The following RALGAPA1 variants were observed in gnomAD, a reference collection of about 807,000 sequenced individuals.
RALGAPA1 encodes the protein ral GTPase-activating protein subunit alpha-1.
Under a neutral mutation model 269.6 loss-of-function variants are expected in RALGAPA1, and 52 were observed. That is an observed-to-expected ratio of 0.19 (90% CI 0.15 to 0.24). The LOEUF (loss-of-function observed/expected upper bound fraction) is 0.24. Ranked by LOEUF, RALGAPA1 falls within the 10% of genes least tolerant of loss-of-function variation. The pLI is 1.00. For missense variants in RALGAPA1, 1,917 were observed against 3,013.9 expected, an observed-to-expected ratio of 0.64 and a Z score of 8.52; for synonymous variants, 817 against 1,008.3, an observed-to-expected ratio of 0.81 and a Z score of 3.60.
intron 10 of RALGAPA1, among the ~76,000 whole-genome samples, chr14:35,746,072 CA>C (rs894048047): frequency 6.6e-6 from 1 of 151,442 alleles, no homozygotes; most frequent in Non-Finnish European, 1.5e-5. Context: ...GGCCCTGTTT[CA>C]AAAAAACAAA....
chr14:35,603,188 T>C (rs969346783), intron 36 of RALGAPA1, among the ~76,000 whole-genome samples: 1 of 152,186 alleles, frequency 6.6e-6, no homozygotes, highest in Admixed American at 6.5e-5. Flanking sequence ...TTGATTAGCA[T>C]TGCTGTGTAG....
intron 37 of RALGAPA1, among the ~76,000 whole-genome samples, chr14:35,584,765 GA>G (rs2058172477): frequency 6.6e-6 from 1 of 151,844 alleles, no homozygotes; most frequent in Non-Finnish European, 1.5e-5. Context: ...ACAAAAACAG[GA>G]ACAAAGAACA....
At chr14:35,632,027 T>C (rs1019852821) in intron 33 of RALGAPA1, among the ~76,000 whole-genome samples, 26 of 152,252 alleles carry the variant, frequency 1.7e-4, no homozygotes, top group Middle Eastern at 6.8e-3. Context: ...ATTACTCACA[T>C]TGAAAACACG....
At chr14:35,580,968 A>T (rs1394799768) in intron 37 of RALGAPA1, among the ~76,000 whole-genome samples, 1 of 152,020 alleles carries the variant, frequency 6.6e-6, no homozygotes, top group African/African-American at 2.4e-5. Flanking sequence ...ATGGATTAAC[A>T]CACCTAAAGA....
intron 35 of RALGAPA1, among the ~76,000 whole-genome samples, chr14:35,611,222 A>G (rs1010626296): frequency 6.6e-6 from 1 of 151,988 alleles, no homozygotes; most frequent in Non-Finnish European, 1.5e-5. Flanking sequence ...GGGGCCGGGC[A>G]TGGTGGTTCA....
Position 35,751,695 on chromosome 14 carries a change from T to C in RALGAPA1, c.802+329A>G, listed in dbSNP as rs555718300. ...ACTGGGGAGGCTGAGATGGGAGGAC[T>C]GCCTGAGCTCAGCAGTTCAAGGCTG... is the stretch of plus-strand genomic sequence containing the variant. On this transcript the variant is annotated intron_variant, in intron 8 of 41. Coordinates refer to ENST00000680220, the MANE Select transcript of RALGAPA1 (RefSeq NM_001346249.2). Among the ~76,000 whole-genome samples the C allele has an allele frequency of 5.3e-5, 8 of 151,846 alleles. No homozygotes were observed. In the East Asian group the frequency reaches 1.5e-3, roughly 29 times the overall value.
chr14:35,709,209 A>C (rs2068072241), intron 16 of RALGAPA1, among the ~76,000 whole-genome samples: 1 of 152,186 alleles, frequency 6.6e-6, no homozygotes, highest in Non-Finnish European at 1.5e-5. Context: ...GAATTTAAAA[A>C]TAACTAAAAG....
At chr14:35,650,203 C>T (rs915099362) in intron 31 of RALGAPA1, among the ~76,000 whole-genome samples, 20 of 151,804 alleles carry the variant, frequency 1.3e-4, no homozygotes, top group Non-Finnish European at 2.2e-4. Flanking sequence ...GAGACCCCCC[C>T]GCCCCCGACA....
intron 35 of RALGAPA1, among the ~76,000 whole-genome samples, chr14:35,615,672 C>A (rs1233773245): frequency 6.6e-6 from 1 of 152,096 alleles, no homozygotes; most frequent in Non-Finnish European, 1.5e-5. Flanking sequence ...GTCTCCCCTT[C>A]AAGGTATGCA....
At chr14:35,762,311 A>G (rs1023073479) in intron 5 of RALGAPA1, among the ~76,000 whole-genome samples, 1 of 151,982 alleles carries the variant, frequency 6.6e-6, no homozygotes, top group African/African-American at 2.4e-5. Flanking sequence ...GCTGGAGTGC[A>G]TCGGCTTGAT....
chr14:35,619,814 C>T (rs1411380561), intron 35 of RALGAPA1, among the ~76,000 whole-genome samples: 18 of 152,106 alleles, frequency 1.2e-4, no homozygotes, highest in South Asian at 2.1e-4. Flanking sequence ...GTTGAATCTC[C>T]GAATAGACCA....
At chr14:35,578,152 A>G (rs983008628) in intron 37 of RALGAPA1, among the ~76,000 whole-genome samples, 6 of 152,222 alleles carry the variant, frequency 3.9e-5, no homozygotes, top group African/African-American at 1.4e-4. Context: ...GGTCTCTGCT[A>G]GCAAAGCTTT....
At chr14:35,736,287 A>G (rs1348319280) in intron 12 of RALGAPA1, among the ~76,000 whole-genome samples, 5 of 152,188 alleles carry the variant, frequency 3.3e-5, no homozygotes, top group Non-Finnish European at 7.3e-5. Context: ...AAAAGCACTC[A>G]AATTTGAGAT....
At chr14:35,698,460 A>T (rs987540201) in intron 17 of RALGAPA1, among the ~76,000 whole-genome samples, 3 of 152,176 alleles carry the variant, frequency 2.0e-5, no homozygotes, top group Non-Finnish European at 4.4e-5. Context: ...GTGGAGAAAA[A>T]AATAAATCTT....
intron 21 of RALGAPA1, 89 bp from the exon 22 acceptor site, chr14:35,678,191 T>A (rs1039810210): frequency 8.4e-5 from 106 of 1,254,524 alleles, no homozygotes; most frequent in Non-Finnish European, 1.1e-4. Context: ...AAAAGAAATT[T>A]TAAACACCAA....
intron 16 of RALGAPA1, among the ~76,000 whole-genome samples, chr14:35,711,089 C>T (rs1247842114): frequency 6.6e-6 from 1 of 152,204 alleles, no homozygotes; most frequent in Non-Finnish European, 1.5e-5. Flanking sequence ...GCCATCTCTT[C>T]ATTTTTAATC....
chr14:35,654,975 A>G (rs751544566), intron 29 of RALGAPA1, among the ~76,000 whole-genome samples: 4 of 152,180 alleles, frequency 2.6e-5, no homozygotes, highest in Non-Finnish European at 4.4e-5. Context: ...AACTAAGTCA[A>G]AATGATTTCT....
chr14:35,652,030 G>C (rs1186010514), intron 30 of RALGAPA1, among the ~76,000 whole-genome samples, 157 bp from the exon 31 acceptor site: 4 of 152,108 alleles, frequency 2.6e-5, no homozygotes, highest in African/African-American at 9.7e-5. Flanking sequence ...ATGTTTAATA[G>C]GTAAGCTTTT....
chr14:35,786,495 G>A lies in RALGAPA1; in HGVS notation c.107-10750C>T, dbSNP rs548846575. On this transcript the variant is annotated intron_variant, in intron 1 of 41. Transcript: ENST00000680220. Reference sequence around the variant, plus strand: ...CATTAAAAAATACAAAAAATTAGCCGGGCGTGCTGGCAGGCGCCTGTAGTC... The same window carrying A: ...CATTAAAAAATACAAAAAATTAGCCAGGCGTGCTGGCAGGCGCCTGTAGTC... 2.2e-4 allele frequency among the ~76,000 whole-genome samples: 33 copies of A among 151,862 alleles called. No homozygotes were observed. In the South Asian group the frequency reaches 3.1e-3, roughly 14 times the overall value.
Sources: gnomAD v4.1 joint callset for allele counts (sites outside exome capture counted in the v4.1 genomes callset) on GRCh38, gnomAD v4.1.1 for gene constraint, MANE v1.5 for transcripts, NCBI Gene and HGNC (gene_info 2026-07-23, HGNC 2026-07-21) for gene names.